TNFAIP8: variants seen among roughly 807,000 people sequenced by gnomAD.
TNFAIP8 encodes the protein tumor necrosis factor alpha-induced protein 8.
Under a neutral mutation model 13.3 loss-of-function variants are expected in TNFAIP8, and 7 were observed. That is an observed-to-expected ratio of 0.52 (90% CI 0.30 to 0.99). The LOEUF (loss-of-function observed/expected upper bound fraction) is 0.99, where lower values mean the gene tolerates loss of function less well. Among genes scored for constraint, TNFAIP8 ranks in the 50% least tolerant of loss-of-function variants. The pLI, the probability that TNFAIP8 is intolerant of heterozygous loss-of-function variation, is 0.07. For missense variants in TNFAIP8, 258 were observed against 236.9 expected (o/e 1.09, Z -0.58); for synonymous variants, 94 against 87.6 (o/e 1.07, Z -0.41).
rs187256025 is a variant in TNFAIP8, at chr5:119,308,436, C to A, written c.1+39529C>A. On this transcript the variant is annotated intron_variant, in intron 1 of 1. Coordinates refer to the TNFAIP8 transcript ENST00000274456. ...TGGTTTCCCAGCTGTGTGTGCAGTG[C>A]ATCATGTAGGCTGTGCCTTCCTGCC... Among the ~76,000 whole-genome samples the A allele has an allele frequency of 5.1e-4, 75 of 145,782 alleles. 1 individual carries two copies. The East Asian group carries it at 0.014, about 28-fold the overall frequency.
At chr5:119,375,752 C>T (rs953533146) in intron 1 of TNFAIP8, among the ~76,000 whole-genome samples, 39 of 152,018 alleles carry the variant, frequency 2.6e-4, no homozygotes, top group East Asian at 5.8e-4. Flanking sequence ...TTAAGTTTGC[C>T]GATTTCAATA....
intron 1 of TNFAIP8, among the ~76,000 whole-genome samples, chr5:119,375,563 G>A: frequency 6.6e-6 from 1 of 152,084 alleles, no homozygotes; most frequent in Non-Finnish European, 1.5e-5. Flanking sequence ...TTTGGAAAAC[G>A]TTTTTCAGTT....
intron 1 of TNFAIP8, among the ~76,000 whole-genome samples, chr5:119,273,436 T>C (rs924346204): frequency 2.0e-5 from 3 of 151,174 alleles, no homozygotes; most frequent in Non-Finnish European, 4.4e-5. Context: ...ATGGGGTGAA[T>C]GTAGCACAAC....
At chr5:119,303,229 A>T (rs1310698368) in intron 1 of TNFAIP8, among the ~76,000 whole-genome samples, 2 of 152,252 alleles carry the variant, frequency 1.3e-5, no homozygotes, top group African/African-American at 4.8e-5. Flanking sequence ...CAGTGAGGTC[A>T]TGAAGAATAT....
intron 1 of TNFAIP8, among the ~76,000 whole-genome samples, chr5:119,339,618 G>A (rs1157123376): frequency 6.6e-6 from 1 of 152,116 alleles, no homozygotes; most frequent in Non-Finnish European, 1.5e-5. Context: ...AACCACAGTA[G>A]CACTGCAGAT....
chr5:119,317,703 A>T (rs998721819), intron 1 of TNFAIP8, among the ~76,000 whole-genome samples: 1 of 151,906 alleles, frequency 6.6e-6, no homozygotes, highest in African/African-American at 2.4e-5. Context: ...GGTTCAAATG[A>T]TTCTCCTGCG....
chr5:119,305,260 A>G (rs1016305548), intron 1 of TNFAIP8, among the ~76,000 whole-genome samples: 2 of 152,220 alleles, frequency 1.3e-5, no homozygotes, highest in African/African-American at 4.8e-5. Flanking sequence ...GATTTTTCAA[A>G]TGACTATTTT....
intron 1 of TNFAIP8, among the ~76,000 whole-genome samples, chr5:119,337,900 T>C (rs1348565850): frequency 2.6e-5 from 4 of 152,206 alleles, no homozygotes; most frequent in African/African-American, 9.6e-5. Flanking sequence ...GACTGCCAAG[T>C]AGAAGTGCAG....
At chr5:119,350,995 A>ACT (rs1751111514) in intron 1 of TNFAIP8, among the ~76,000 whole-genome samples, 2 of 64,180 alleles carry the variant, frequency 3.1e-5, no homozygotes, top group Non-Finnish European at 6.3e-5. Flanking sequence ...GAGGGGTCTC[A>ACT]CTCTGTGTGT....
intron 1 of TNFAIP8, among the ~76,000 whole-genome samples, chr5:119,300,544 A>G (rs1408751446): frequency 6.6e-6 from 1 of 152,226 alleles, no homozygotes; most frequent in Non-Finnish European, 1.5e-5. Context: ...CAAAGCATAT[A>G]AAAGAGTGAT....
At chr5:119,377,129 C>A (rs1471200460) in intron 1 of TNFAIP8, among the ~76,000 whole-genome samples, 1 of 152,144 alleles carries the variant, frequency 6.6e-6, no homozygotes, top group South Asian at 2.1e-4. Context: ...TGAGGCTGGG[C>A]CTGGTGGCTC....
chr5:119,356,453 C>G (rs912131812), intron 1 of TNFAIP8, among the ~76,000 whole-genome samples: 1 of 151,972 alleles, frequency 6.6e-6, no homozygotes, highest in Non-Finnish European at 1.5e-5. Context: ...GGCTGCCTGC[C>G]TGCATCAGAA....
At position 119,293,729 on chromosome 5, in the gene TNFAIP8, G is replaced by C. The variant is rs555524378; in HGVS notation, c.1+24822G>C. On this transcript the variant is annotated intron_variant, in intron 1 of 1. Transcript: ENST00000274456. ...ATGGGGAAAAATGGTAACAAAAGAA[G>C]AGTCAAGGGGTAGAGAGGTACAAAT... 2.0e-5 allele frequency among the ~76,000 whole-genome samples: 3 copies of C among 152,298 alleles called. No individual in the cohort carries two copies. The South Asian group carries it at 6.2e-4, about 32-fold the overall frequency.
chr5:119,319,967 A>T (rs1561999008), intron 1 of TNFAIP8, among the ~76,000 whole-genome samples: 1 of 152,240 alleles, frequency 6.6e-6, no homozygotes. Flanking sequence ...ATTGAAGCAC[A>T]GGAAAACAGA....
chr5:119,292,697 C>T (rs1197253280), intron 1 of TNFAIP8, among the ~76,000 whole-genome samples: 1,164 of 51,086 alleles, frequency 0.023, 269 homozygotes, highest in South Asian at 0.063. Flanking sequence ...CACACACACA[C>T]AATGAAATAC....
intron 1 of TNFAIP8, among the ~76,000 whole-genome samples, chr5:119,360,091 A>G (rs1281108722): frequency 6.6e-6 from 1 of 152,160 alleles, no homozygotes; most frequent in Admixed American, 6.5e-5. Flanking sequence ...CTCACTTCTG[A>G]AATTTTTATC....
At chr5:119,358,153 CA>C (rs1751505721) in intron 1 of TNFAIP8, among the ~76,000 whole-genome samples, 1 of 147,444 alleles carries the variant, frequency 6.8e-6, no homozygotes, top group South Asian at 2.1e-4. Flanking sequence ...AGTGTGAGAT[CA>C]CCATGAGTTC....
At chr5:119,301,931 A>T (rs1414391133) in intron 1 of TNFAIP8, among the ~76,000 whole-genome samples, 1 of 152,232 alleles carries the variant, frequency 6.6e-6, no homozygotes, top group Non-Finnish European at 1.5e-5. Context: ...ATGAAAGTCT[A>T]GGAACTAGAG....
intron 1 of TNFAIP8, among the ~76,000 whole-genome samples, chr5:119,313,901 A>T (rs1442730030): frequency 1.3e-5 from 2 of 152,388 alleles, no homozygotes; most frequent in African/African-American, 4.8e-5. Context: ...AGCAAATATT[A>T]AAGTGCTTAT....
Sources: gnomAD v4.1 joint callset for allele counts (sites outside exome capture counted in the v4.1 genomes callset) on GRCh38, gnomAD v4.1.1 for gene constraint, MANE v1.5 for transcripts, NCBI Gene and HGNC (gene_info 2026-07-23, HGNC 2026-07-21) for gene names.